Variants in TES observed in about 807,000 individuals in gnomAD.
TES encodes the protein testin LIM domain protein, also known as testin.
In TES, 41 loss-of-function variants were observed where a neutral mutation model predicts 48.2. The ratio of observed to expected loss-of-function variants is 0.85; its 90% CI spans 0.66 to 1.10. The LOEUF (loss-of-function observed/expected upper bound fraction) is 1.10. Among genes scored for constraint, TES ranks in the 50% least tolerant of loss-of-function variants. TES has a pLI of 0.00. For synonymous variants in TES, 162 were observed against 174.9 expected, an observed-to-expected ratio of 0.93 and a Z score of 0.58; for missense variants, 463 against 515.1, an observed-to-expected ratio of 0.90 and a Z score of 0.98.
Position 116,252,353 on chromosome 7 carries a change from C to A in TES, c.954C>A (p.Asn318Lys). 6.2e-7 allele frequency: 1 copy of A among 1,613,572 alleles called. No individual in the cohort carries two copies. The highest frequency in any genetic ancestry group is 8.5e-7 in the Non-Finnish European group (1 of 1,179,536). Reference protein sequence around the residue: ...IFSNEYTQAENQNWHLKHFCC... With the variant: ...IFSNEYTQAEKQNWHLKHFCC... ...GCAATGAGTATACCCAGGCAGAAAA[C>A]CAGAATTGGCACCTGAAACACTTCT... The change falls in exon 6 of 7, where the codon AAC (asparagine) becomes AAA (lysine). Residue 318 changes from asparagine (N) to lysine (K), a missense_variant. Transcript: ENST00000358204.
At chr7:116,248,027 CT>C (rs529246489) in intron 2 of TES, among the ~76,000 whole-genome samples, 8 of 152,276 alleles carry the variant, frequency 5.3e-5, no homozygotes, top group African/African-American at 1.9e-4. Context: ...TCCATGTGTA[CT>C]CAATATTTAG....
At chr7:116,248,284 G>A (rs773004039) in intron 2 of TES, among the ~76,000 whole-genome samples, 18 of 152,192 alleles carry the variant, frequency 1.2e-4, no homozygotes, top group Non-Finnish European at 1.8e-4. Context: ...ATAAACATAC[G>A]GGTGCATTGT....
At chr7:116,245,744 T>C (rs1045832079) in intron 2 of TES, among the ~76,000 whole-genome samples, 5 of 152,178 alleles carry the variant, frequency 3.3e-5, no homozygotes, top group Non-Finnish European at 1.5e-5. Flanking sequence ...ATGGTGCTAA[T>C]AAAGACATAC....
intron 1 of TES, among the ~76,000 whole-genome samples, chr7:116,218,739 A>T (rs968763456): frequency 6.6e-5 from 10 of 152,096 alleles, no homozygotes; most frequent in African/African-American, 2.4e-4. Context: ...AGCAAAACAG[A>T]TGTGTAAGTT....
Position 116,251,619 on chromosome 7 carries a change from C to G in TES, c.703-141C>G. ...AACGGCGTGAACCCAGGAGGCGGAG[C>G]TTGCAATGAGCCGAGATAGCACCAC... On this transcript the variant is annotated intron_variant, in intron 4 of 6. Transcript: ENST00000358204. 7.9e-6 allele frequency: 6 copies of G among 762,950 alleles called. No individual in the cohort carries two copies. In the Admixed American group the frequency reaches 1.3e-4, roughly 17 times the overall value. The allele number at this position is 762,950 out of a possible 1,614,324, so 47.3% of individuals were successfully genotyped here. A position where few individuals can be genotyped will look rare whatever the true frequency, so the allele number is the denominator to read the frequency against.
intron 1 of TES, among the ~76,000 whole-genome samples, chr7:116,228,325 C>T (rs957157869): frequency 2.6e-5 from 4 of 152,094 alleles, no homozygotes; most frequent in Non-Finnish European, 5.9e-5. Context: ...TAGATAGTCC[C>T]AAAGCCTGAC....
intron 3 of TES, chr7:116,249,532 T>C (rs1799973960): frequency 4.9e-6 from 2 of 404,554 alleles, no homozygotes; most frequent in East Asian, 4.1e-5. Flanking sequence ...GGAAATCAGA[T>C]GTTTTATATC....
At chr7:116,220,069 T>C (rs1799539352) in intron 1 of TES, among the ~76,000 whole-genome samples, 1 of 152,132 alleles carries the variant, frequency 6.6e-6, no homozygotes, top group Non-Finnish European at 1.5e-5. Context: ...AAATGGCAAG[T>C]TGCCTAAGGT....
intron 2 of TES, among the ~76,000 whole-genome samples, chr7:116,236,178 A>G (rs1799768558): frequency 2.0e-5 from 3 of 152,168 alleles, no homozygotes; most frequent in Admixed American, 2.0e-4. Flanking sequence ...ACTATTTTCT[A>G]TTGGGCCTAT....
chr7:116,226,517 C>T (rs536766044), intron 1 of TES, among the ~76,000 whole-genome samples: 30 of 152,168 alleles, frequency 2.0e-4, no homozygotes, highest in South Asian at 1.0e-3. Flanking sequence ...AGGCAGGTGG[C>T]GCCAGGCTTT....
chr7:116,257,545 A>C lies in TES; in HGVS notation c.*63A>C. 1 of 1,255,338 alleles carries C rather than the reference A, an allele frequency of 8.0e-7. No homozygotes were observed. The highest frequency in any genetic ancestry group is 1.0e-6 in the Non-Finnish European group (1 of 971,716). 77.8% of individuals were successfully genotyped at this position (1,255,338 alleles called of 1,614,324 possible). On this transcript the variant is annotated 3_prime_UTR_variant, in exon 7 of 7. Coordinates refer to ENST00000358204, the MANE Select transcript of TES (RefSeq NM_015641.4). ...AAAGTGGTCTGCATTTCTACTGTAA[A>C]ATGCAATTTGAAAAAAATAAAACGC...
intron 1 of TES, 160 bp downstream of exon 1, chr7:116,210,894 G>T (rs1799429260): frequency 1.9e-6 from 1 of 520,550 alleles, no homozygotes; most frequent in Non-Finnish European, 2.9e-6. Context: ...GGCCCCCTGG[G>T]TAGAGGAGGT....
chr7:116,243,568 C>T (rs1259186963), intron 2 of TES, among the ~76,000 whole-genome samples: 2 of 152,194 alleles, frequency 1.3e-5, no homozygotes, highest in South Asian at 2.1e-4. Flanking sequence ...ATAGATCCTA[C>T]ACTCTGTGAT....
At chr7:116,252,715 T>C in intron 6 of TES, 1 of 527,710 alleles carries the variant, frequency 1.9e-6, no homozygotes, top group Non-Finnish European at 3.4e-6. Flanking sequence ...TACTGCTTAA[T>C]AATAAAATCC....
rs371309728 is a variant in TES, at chr7:116,257,403, A to G, written c.1187A>G (p.Lys396Arg). 32 of 1,613,978 alleles carry G rather than the reference A, an allele frequency of 2.0e-5. No individual in the cohort carries two copies. The African/African-American group carries it at 4.0e-4, about 20-fold the overall frequency. Residue 396 changes from lysine (K) to arginine (R), a missense_variant, in exon 7 of 7, where the codon AAA becomes AGA. Lys to Arg is a conservative substitution (Grantham distance 26). Coordinates refer to ENST00000358204, the MANE Select transcript of TES (RefSeq NM_015641.4). ...TGCTTTCTGTGCTCTTGCTGCAGCA[A>G]ATGCCTCATTGGGCAGAAGTTCATG... ...TECFLCSCCS[K>R]CLIGQKFMPV... is the part of the protein sequence containing the mutation.
At position 116,245,479 on chromosome 7, in the gene TES, T is replaced by A. The variant is rs1799909935; in HGVS notation, c.114-3541T>A. The stretch of plus-strand genomic sequence containing the variant: ...CTGGACTTCATTGTCCATATCACTA[T>A]CAGCATTTTGGTAAAACTCATTCAA... On this transcript the variant is annotated intron_variant, in intron 2 of 6. Coordinates refer to ENST00000358204, the MANE Select transcript of TES (RefSeq NM_015641.4). 3.3e-5 allele frequency among the ~76,000 whole-genome samples: 5 copies of A among 152,120 alleles called. No homozygotes were observed. In the South Asian group the frequency reaches 8.3e-4, roughly 25 times the overall value.
intron 6 of TES, among the ~76,000 whole-genome samples, chr7:116,256,064 G>T (rs990880283): frequency 7.3e-6 from 1 of 136,254 alleles, no homozygotes; most frequent in Admixed American, 7.3e-5. Flanking sequence ...TTCAGGAATA[G>T]TGTGTTGATC....
intron 1 of TES, among the ~76,000 whole-genome samples, chr7:116,232,326 A>T (rs2116593467): frequency 6.6e-6 from 1 of 152,362 alleles, no homozygotes; most frequent in South Asian, 2.1e-4. Flanking sequence ...GTTCTTTGTC[A>T]TGAGGTAAAA....
In TES at chr7:116,257,311, C is replaced by T; in HGVS notation, c.1095C>T (p.His365=). Residue 365 remains histidine (H), a synonymous_variant, in exon 7 of 7, where the codon CAC becomes CAT. Coordinates refer to ENST00000358204, the MANE Select transcript of TES (RefSeq NM_015641.4). ...KNHAVVCQGC[H]NAIDPEVQRV... ...CTTAATAGGTGTGTCAAGGATGCCA[C>T]AATGCCATCGACCCAGAAGTGCAGC... 6.2e-7 allele frequency: 1 copy of T among 1,611,718 alleles called. No homozygotes were observed. Among genetic ancestry groups the T allele is most frequent in the African/African-American group, 1.3e-5 (1 of 74,950 alleles).
Sources: allele counts gnomAD v4.1 joint callset (sites outside exome capture counted in the v4.1 genomes callset), GRCh38; gene constraint gnomAD v4.1.1; transcripts MANE v1.5; gene names NCBI Gene and HGNC (gene_info 2026-07-23, HGNC 2026-07-21).